The following PURA variants were observed in gnomAD, a reference collection of about 807,000 sequenced individuals.
The protein encoded by PURA is transcriptional activator protein Pur-alpha.
PURA carries 2 observed loss-of-function variants against 23.1 expected under a neutral mutation model. The observed-to-expected ratio is 0.09, with a 90% CI of 0.04 to 0.27. The LOEUF (loss-of-function observed/expected upper bound fraction) is 0.27. PURA is among the 10% of genes least tolerant of loss of function. The probability of loss-of-function intolerance (pLI) is 1.00; values close to 1 mark genes in which losing one functional copy is unlikely to be tolerated. For synonymous variants in PURA, 254 were observed against 205.9 expected (o/e 1.23, Z -2.00); for missense variants, 187 against 449.7 (o/e 0.42, Z 5.28).
chr5:140,125,124 T>A lies in PURA; in HGVS notation c.*9974T>A, dbSNP rs1026338432. On this transcript the variant is annotated 3_prime_UTR_variant, in exon 1 of 1. Coordinates refer to ENST00000331327, the MANE Select transcript of PURA (RefSeq NM_005859.5). Reference sequence around the variant, plus strand: ...GATAATCTGATGACAGTGTGATGGATCCTCTACCCAAGAAAAAAAAAATGC... The same window carrying A: ...GATAATCTGATGACAGTGTGATGGAACCTCTACCCAAGAAAAAAAAAATGC... 13 of 166,706 alleles carry A rather than the reference T, an allele frequency of 7.8e-5. No individual in the cohort carries two copies. The highest frequency in any genetic ancestry group is 1.5e-4 in the Non-Finnish European group (10 of 68,050). 10.3% of individuals were successfully genotyped at this position (166,706 alleles called of 1,614,324 possible). A position where few individuals can be genotyped will look rare whatever the true frequency, so the allele number is the denominator to read the frequency against.
At position 140,115,723 on chromosome 5, in the gene PURA, T is replaced by A. The variant is rs1336300227; in HGVS notation, c.*573T>A. ...TACATGGAGGTTATTATAGTATATT[T>A]GACACCCTATATACCTGTGATTAGA... On this transcript the variant is annotated 3_prime_UTR_variant, in exon 1 of 1. Transcript: ENST00000331327. This position sits in a 1 kb window ranked among gnomAD's most constrained non-coding sequence, Gnocchi z 4.1. 1.2e-5 allele frequency: 2 copies of A among 167,110 alleles called. No homozygotes were observed. The highest frequency in any genetic ancestry group is 2.9e-5 in the Non-Finnish European group (2 of 68,142). The allele number at this position is 167,110 out of a possible 1,614,324, so 10.4% of individuals were successfully genotyped here.
rs1297255868 is a variant in PURA, at chr5:140,117,569, A to G, written c.*2419A>G. ...GATCACTGTTTCATAGTAGCCAGCA[A>G]TAAGTAGTGCAAGTCAACAAAAACA... On this transcript the variant is annotated 3_prime_UTR_variant, in exon 1 of 1. Coordinates refer to ENST00000331327, the MANE Select transcript of PURA (RefSeq NM_005859.5). 1 of 167,074 alleles carries G rather than the reference A, an allele frequency of 6.0e-6. No homozygotes were observed. The highest frequency in any genetic ancestry group is 2.4e-5 in the African/African-American group (1 of 41,446). 10.3% of individuals were successfully genotyped at this position (167,074 alleles called of 1,614,324 possible). A position where few individuals can be genotyped will look rare whatever the true frequency, so the allele number is the denominator to read the frequency against.
rs1177539648 is a variant in PURA, at chr5:140,114,130, G to GGCGGCGGGCGGA, written c.-46_-35dup. On this transcript the variant is annotated 5_prime_UTR_variant, in exon 1 of 1. Coordinates refer to ENST00000331327, the MANE Select transcript of PURA (RefSeq NM_005859.5). Reference sequence around the variant, plus strand: ...AAGCAGCGGCGGCTGAGGCGACTGAGGCGGCGGGCGGAGCGGCAGGCGGCG... The same window carrying GGCGGCGGGCGGA: ...AAGCAGCGGCGGCTGAGGCGACTGAGGCGGCGGGCGGAGCGGCGGGCGGAGCGGCAGGCGGCG... 4 of 412,480 alleles carry GGCGGCGGGCGGA rather than the reference G, an allele frequency of 9.7e-6. No homozygotes were observed. The highest frequency in any genetic ancestry group is 1.5e-5 in the Non-Finnish European group (4 of 264,440). The allele number at this position is 412,480 out of a possible 1,614,324, so 25.6% of individuals were successfully genotyped here. A position where few individuals can be genotyped will look rare whatever the true frequency, so the allele number is the denominator to read the frequency against.
rs1342090649 is a variant in PURA, at chr5:140,116,531, A to G, written c.*1381A>G. The G allele has an allele frequency of 4.2e-5, 7 of 167,056 alleles. No individual in the cohort carries two copies. Among genetic ancestry groups the G allele is most frequent in the Non-Finnish European group, 1.5e-5 (1 of 68,114 alleles). The allele number at this position is 167,056 out of a possible 1,614,324, so 10.3% of individuals were successfully genotyped here. On this transcript the variant is annotated 3_prime_UTR_variant, in exon 1 of 1. Transcript: ENST00000331327. ...CAAAAGTATGTTCTATAACTCATAT[A>G]TTCAAGGTGTAGGGTATGAAAATGC...
chr5:140,120,213 CACAT>C lies in PURA; in HGVS notation c.*5067_*5070del, dbSNP rs1479519853. The stretch of plus-strand genomic sequence containing the variant: ...TAATTTGGAGAGAGATGTATACACA[CACAT>C]ACACATATATATGTATATATACATT... On this transcript the variant is annotated 3_prime_UTR_variant, in exon 1 of 1. Transcript: ENST00000331327. The C allele has an allele frequency of 1.8e-5, 3 of 166,612 alleles. No homozygotes were observed. The highest frequency in any genetic ancestry group is 7.3e-5 in the African/African-American group (3 of 41,360). The allele number at this position is 166,612 out of a possible 1,614,324, so 10.3% of individuals were successfully genotyped here. A position where few individuals can be genotyped will look rare whatever the true frequency, so the allele number is the denominator to read the frequency against.
rs764069152 is a variant in PURA at position 140,114,700 on chromosome 5, G to C, written c.519G>C (p.Thr173=). The C allele has an allele frequency of 6.2e-7, 1 of 1,612,750 alleles. No individual in the cohort carries two copies. The change falls in exon 1 of 1, where the codon ACG becomes ACC. Residue 173 remains threonine, a synonymous_variant. Coordinates refer to ENST00000331327, the MANE Select transcript of PURA (RefSeq NM_005859.5). Reference sequence around the variant, plus strand: ...GCCGCTTCCTGCGCATCCGCCAGACGGTCAACCGGGGGCCTGGCCTGGGCT... The same window carrying C: ...GCCGCTTCCTGCGCATCCGCCAGACCGTCAACCGGGGGCCTGGCCTGGGCT... The part of the protein sequence containing the change: ...QRGRFLRIRQ[T]VNRGPGLGST...
chr5:140,121,943 A>T lies in PURA; in HGVS notation c.*6793A>T, dbSNP rs1196995538. The T allele has an allele frequency of 6.0e-6, 1 of 166,710 alleles. No individual in the cohort carries two copies. The highest frequency in any genetic ancestry group is 1.9e-4 in the East Asian group (1 of 5,202). The allele number at this position is 166,710 out of a possible 1,614,324, so 10.3% of individuals were successfully genotyped here. A position where few individuals can be genotyped will look rare whatever the true frequency, so the allele number is the denominator to read the frequency against. On this transcript the variant is annotated 3_prime_UTR_variant, in exon 1 of 1. Transcript: ENST00000331327. ...TGGAAATAAAGTGAGAGGAATTTTTACTAGAGGTAGGAAAAGGTACTATGA... is the reference window on the plus strand; with the variant it reads ...TGGAAATAAAGTGAGAGGAATTTTTTCTAGAGGTAGGAAAAGGTACTATGA...
Position 140,124,729 on chromosome 5 carries a change from T to C in PURA, c.*9579T>C, listed in dbSNP as rs890811809. 3.6e-5 allele frequency: 6 copies of C among 167,042 alleles called. No homozygotes were observed. Among genetic ancestry groups the C allele is most frequent in the African/African-American group, 1.4e-4 (6 of 41,460 alleles). 10.3% of individuals were successfully genotyped at this position (167,042 alleles called of 1,614,324 possible). A position where few individuals can be genotyped will look rare whatever the true frequency, so the allele number is the denominator to read the frequency against. ...ACATCATTAAGAGTTATCTAACTTT[T>C]ATGTTGTCAAATCTTTAAATGTGGA... is the stretch of plus-strand genomic sequence containing the variant. On this transcript the variant is annotated 3_prime_UTR_variant, in exon 1 of 1. Transcript: ENST00000331327.
rs934267138 is a variant in PURA at position 140,119,152 on chromosome 5, A to G, written c.*4002A>G. 1.8e-5 allele frequency: 3 copies of G among 166,938 alleles called. No individual in the cohort carries two copies. The highest frequency in any genetic ancestry group is 7.2e-5 in the African/African-American group (3 of 41,452). 10.3% of individuals were successfully genotyped at this position (166,938 alleles called of 1,614,324 possible). On this transcript the variant is annotated 3_prime_UTR_variant, in exon 1 of 1. Transcript: ENST00000331327. The stretch of plus-strand genomic sequence containing the variant: ...AAGTTTTGTATGCTAACAGAAAGAT[A>G]TAATTTAGCTACCTATTCTAAAAAT...
rs1171401945 is a variant in PURA, at chr5:140,115,337, T to G, written c.*187T>G. On this transcript the variant is annotated 3_prime_UTR_variant, in exon 1 of 1. Coordinates refer to ENST00000331327, the MANE Select transcript of PURA (RefSeq NM_005859.5). The surrounding 1 kb of genome is among the most constrained non-coding windows in gnomAD (Gnocchi z 4.1). ...TCCACCAACTGACAGTTTCTCTTCTTGACTTGCCACCCATCGCTGGATGTT... is the reference window on the plus strand; with the variant it reads ...TCCACCAACTGACAGTTTCTCTTCTGGACTTGCCACCCATCGCTGGATGTT... The G allele has an allele frequency of 9.0e-6, 4 of 444,924 alleles. No individual in the cohort carries two copies. Among genetic ancestry groups the G allele is most frequent in the Non-Finnish European group, 1.6e-5 (4 of 248,572 alleles). The allele number at this position is 444,924 out of a possible 1,614,324, so 27.6% of individuals were successfully genotyped here.
In PURA at chr5:140,123,638, A is replaced by G. The variant is rs1383883997; in HGVS notation, c.*8488A>G. ...GATAAAATTTTTAATATGGGCCTTT[A>G]TTTGCCAATAAAATCCTTTGTAAAT... On this transcript the variant is annotated 3_prime_UTR_variant, in exon 1 of 1. Transcript: ENST00000331327. 3 of 166,588 alleles carry G rather than the reference A, an allele frequency of 1.8e-5. No homozygotes were observed. Among genetic ancestry groups the G allele is most frequent in the East Asian group, 3.8e-4 (2 of 5,204 alleles). 10.3% of individuals were successfully genotyped at this position (166,588 alleles called of 1,614,324 possible).
rs1025358715 is a variant in PURA, at chr5:140,114,298, C to T, written c.117C>T (p.Gly39=). 1 of 1,242,782 alleles carries T rather than the reference C, an allele frequency of 8.0e-7. No individual in the cohort carries two copies. The allele number at this position is 1,242,782 out of a possible 1,614,324, so 77.0% of individuals were successfully genotyped here. ...GCGGGGGCGGTGGTGGCGGCGGGGG[C>T]GGCGGCGGCAGTGGCGGCGGCGGCG... ...GSGGGGGGGG[G]GGGSGGGGGG... is the part of the protein sequence containing the mutation. The change falls in exon 1 of 1, where the codon GGC becomes GGT. Residue 39 remains glycine (G), a synonymous_variant. Coordinates refer to ENST00000331327, the MANE Select transcript of PURA (RefSeq NM_005859.5).
chr5:140,124,146 C>G lies in PURA; in HGVS notation c.*8996C>G, dbSNP rs937715113. On this transcript the variant is annotated 3_prime_UTR_variant, in exon 1 of 1. Transcript: ENST00000331327. ...TGGTGATATTATGCAACACAGTGTT[C>G]AGAATTGCAAAAAAATTTAAAAATT... 6.0e-6 allele frequency: 1 copy of G among 166,804 alleles called. No homozygotes were observed. Among genetic ancestry groups the G allele is most frequent in the Non-Finnish European group, 1.5e-5 (1 of 68,032 alleles). The allele number at this position is 166,804 out of a possible 1,614,324, so 10.3% of individuals were successfully genotyped here.
Position 140,115,166 on chromosome 5 carries a change from C to G in PURA, c.*16C>G. The G allele has an allele frequency of 7.0e-7, 1 of 1,422,442 alleles. No homozygotes were observed. The allele number at this position is 1,422,442 out of a possible 1,614,324, so 88.1% of individuals were successfully genotyped here. A position where few individuals can be genotyped will look rare whatever the true frequency, so the allele number is the denominator to read the frequency against. ...AGAAGATTGATCAAACTGAATGAAA[C>G]CCCCACACACACACACATGCATACA... On this transcript the variant is annotated 3_prime_UTR_variant, in exon 1 of 1. Coordinates refer to ENST00000331327, the MANE Select transcript of PURA (RefSeq NM_005859.5). This position sits in a 1 kb window ranked among gnomAD's most constrained non-coding sequence, Gnocchi z 4.1.
chr5:140,114,448 C>G lies in PURA; in HGVS notation c.267C>G (p.Ala89=), dbSNP rs149010278. Residue 89 remains alanine (A), a synonymous_variant, in exon 1 of 1, where the codon GCC becomes GCG. Coordinates refer to ENST00000331327, the MANE Select transcript of PURA (RefSeq NM_005859.5). ...CCAAGGGCCGCTTCCTGAAGATCGC[C>G]GAGGTGGGCGCGGGCGGCAACAAGA... ...QNAKGRFLKI[A]EVGAGGNKSR... 2.0e-5 allele frequency: 33 copies of G among 1,612,846 alleles called. No individual in the cohort carries two copies. The highest frequency in any genetic ancestry group is 4.5e-5 in the East Asian group (2 of 44,820).
rs1763147599 is a variant in PURA at position 140,121,026 on chromosome 5, A to G, written c.*5876A>G. On this transcript the variant is annotated 3_prime_UTR_variant, in exon 1 of 1. Transcript: ENST00000331327. ...TCAGAAGTATTTCACTCATTTTGGAATCACAGGATTTTCATGTTTTCATAA... is the reference window on the plus strand; with the variant it reads ...TCAGAAGTATTTCACTCATTTTGGAGTCACAGGATTTTCATGTTTTCATAA... 6.0e-6 allele frequency: 1 copy of G among 166,894 alleles called. No individual in the cohort carries two copies. Among genetic ancestry groups the G allele is most frequent in the Non-Finnish European group, 1.5e-5 (1 of 67,990 alleles). 10.3% of individuals were successfully genotyped at this position (166,894 alleles called of 1,614,324 possible).
At position 140,124,739 on chromosome 5, in the gene PURA, A is replaced by T. The variant is rs544487343; in HGVS notation, c.*9589A>T. ...GAGTTATCTAACTTTTATGTTGTCA[A>T]ATCTTTAAATGTGGATGATATTCAG... is the stretch of plus-strand genomic sequence containing the variant. On this transcript the variant is annotated 3_prime_UTR_variant, in exon 1 of 1. Coordinates refer to ENST00000331327, the MANE Select transcript of PURA (RefSeq NM_005859.5). The T allele has an allele frequency of 6.0e-6, 1 of 167,038 alleles. No homozygotes were observed. The highest frequency in any genetic ancestry group is 1.5e-5 in the Non-Finnish European group (1 of 68,108). The allele number at this position is 167,038 out of a possible 1,614,324, so 10.3% of individuals were successfully genotyped here. A position where few individuals can be genotyped will look rare whatever the true frequency, so the allele number is the denominator to read the frequency against.
rs1319320853 is a variant in PURA at position 140,125,183 on chromosome 5, G to A, written c.*10033G>A. 1 of 166,748 alleles carries A rather than the reference G, an allele frequency of 6.0e-6. No homozygotes were observed. Among genetic ancestry groups the A allele is most frequent in the African/African-American group, 2.4e-5 (1 of 41,364 alleles). 10.3% of individuals were successfully genotyped at this position (166,748 alleles called of 1,614,324 possible). ...GGATAATTTTGCATACAACTTCAGGGGCATCACACATCTTCTGAAACCCAA... is the reference window on the plus strand; with the variant it reads ...GGATAATTTTGCATACAACTTCAGGAGCATCACACATCTTCTGAAACCCAA... On this transcript the variant is annotated 3_prime_UTR_variant, in exon 1 of 1. Coordinates refer to ENST00000331327, the MANE Select transcript of PURA (RefSeq NM_005859.5).
At position 140,117,631 on chromosome 5, in the gene PURA, C is replaced by T. The variant is rs970698615; in HGVS notation, c.*2481C>T. On this transcript the variant is annotated 3_prime_UTR_variant, in exon 1 of 1. Coordinates refer to ENST00000331327, the MANE Select transcript of PURA (RefSeq NM_005859.5). ...GGCAAAGTGTCCTTTCTTTGAGATG[C>T]GAGTTCTTTCATGAGGTTTTCTTTA... 2.2e-4 allele frequency: 37 copies of T among 166,962 alleles called. No individual in the cohort carries two copies. Among genetic ancestry groups the T allele is most frequent in the African/African-American group, 7.5e-4 (31 of 41,444 alleles). 10.3% of individuals were successfully genotyped at this position (166,962 alleles called of 1,614,324 possible). A position where few individuals can be genotyped will look rare whatever the true frequency, so the allele number is the denominator to read the frequency against.
Sources: allele counts gnomAD v4.1 joint callset, GRCh38; gene constraint gnomAD v4.1.1; non-coding constraint Gnocchi (gnomAD v3.1); transcripts MANE v1.5; gene names NCBI Gene and HGNC (gene_info 2026-07-23, HGNC 2026-07-21).